Variants in TLK1 observed in about 807,000 individuals in gnomAD.
The protein encoded by TLK1 is serine/threonine-protein kinase tousled-like 1.
TLK1 carries 24 observed loss-of-function variants against 105.3 expected under a neutral mutation model. That is an observed-to-expected ratio of 0.23 (90% CI 0.17 to 0.32). The LOEUF (loss-of-function observed/expected upper bound fraction) is 0.32, where lower values mean the gene tolerates loss of function less well. TLK1 is among the 10% of genes least tolerant of loss of function. TLK1 has a pLI of 1.00. For missense variants in TLK1, 558 were observed against 910.5 expected (o/e 0.61, Z 4.98); for synonymous variants, 321 against 310.4 (o/e 1.03, Z -0.36).
intron 3 of TLK1, among the ~76,000 whole-genome samples, chr2:171,080,196 C>CA (rs559492309): frequency 0.039 from 2,312 of 59,784 alleles, 58 homozygotes; most frequent in African/African-American, 0.1. Flanking sequence ...GACTCCATCT[C>CA]AAAAAAAAAA....
intron 11 of TLK1, among the ~76,000 whole-genome samples, chr2:171,042,948 T>G (rs766057451): frequency 1.3e-5 from 2 of 152,060 alleles, no homozygotes; most frequent in Non-Finnish European, 2.9e-5. Flanking sequence ...AGGGTCTTCA[T>G]GTGGGTGAAT....
upstream of TLK1, among the ~76,000 whole-genome samples, chr2:171,163,469 C>T (rs1692553163): frequency 2.6e-5 from 4 of 152,080 alleles, no homozygotes; most frequent in South Asian, 2.1e-4. Context: ...CAGCAGATTG[C>T]GGTGAAAAGA....
intron 1 of TLK1, among the ~76,000 whole-genome samples, chr2:171,171,992 G>A (rs933885858): frequency 1.3e-5 from 2 of 152,180 alleles, no homozygotes; most frequent in Non-Finnish European, 1.5e-5. Context: ...AAGCAGCACT[G>A]TTTGTAATAG....
intron 10 of TLK1, 32 bp downstream of exon 10, chr2:171,049,782 C>G: frequency 1.2e-6 from 2 of 1,610,424 alleles, no homozygotes; most frequent in Non-Finnish European, 1.7e-6. Flanking sequence ...CAAACGAATA[C>G]TAAAAACTTT....
chr2:171,121,496 A>C (rs1690654469), intron 1 of TLK1, among the ~76,000 whole-genome samples: 1 of 152,206 alleles, frequency 6.6e-6, no homozygotes, highest in Non-Finnish European at 1.5e-5. Flanking sequence ...GCACCACTGC[A>C]CTCCACGCTG....
At chr2:171,197,056 T>C (rs1693289149) in intron 1 of TLK1, among the ~76,000 whole-genome samples, 1 of 152,078 alleles carries the variant, frequency 6.6e-6, no homozygotes, top group African/African-American at 2.4e-5. Flanking sequence ...ACCCTAAGTG[T>C]GGGGAAAGTA....
At chr2:171,070,456 T>A (rs1299940126) in intron 3 of TLK1, among the ~76,000 whole-genome samples, 1 of 152,064 alleles carries the variant, frequency 6.6e-6, no homozygotes, top group African/African-American at 2.4e-5. Context: ...GTAACCATCT[T>A]TTTACCCTCT....
At position 171,055,634 on chromosome 2, in the gene TLK1, A is replaced by G. The variant is rs542069541; in HGVS notation, c.550-462T>C. Among the ~76,000 whole-genome samples the G allele has an allele frequency of 3.9e-5, 6 of 152,170 alleles. No individual in the cohort carries two copies. The East Asian group carries it at 1.2e-3, about 29-fold the overall frequency. On this transcript the variant is annotated intron_variant, in intron 6 of 20. Transcript: ENST00000431350. Reference sequence around the variant, plus strand: ...TGGTCACTAGTTCAAAAAGACACTCACTGAAAGCAGATTATAACATTGTAT... The same window carrying G: ...TGGTCACTAGTTCAAAAAGACACTCGCTGAAAGCAGATTATAACATTGTAT...
intron 8 of TLK1, among the ~76,000 whole-genome samples, chr2:171,052,127 G>A (rs1687269316): frequency 6.6e-6 from 1 of 152,106 alleles, no homozygotes; most frequent in Admixed American, 6.5e-5. Flanking sequence ...CGGAGTGATG[G>A]CATGAGCCTG....
intron 8 of TLK1, among the ~76,000 whole-genome samples, chr2:171,052,967 G>T (rs763948525): frequency 2.6e-5 from 4 of 152,210 alleles, no homozygotes; most frequent in African/African-American, 4.8e-5. Context: ...GAACCCCTCA[G>T]GGTAGAGTTT....
At chr2:171,128,455 T>C (rs934664220) in intron 1 of TLK1, among the ~76,000 whole-genome samples, 5 of 152,142 alleles carry the variant, frequency 3.3e-5, no homozygotes, top group African/African-American at 1.2e-4. Flanking sequence ...ATGAATAGTT[T>C]TGAACTAAAT....
rs1404898310 is a variant in TLK1 at position 171,160,209 on chromosome 2, G to A, written c.139+81C>T. The A allele has an allele frequency of 2.4e-6, 3 of 1,225,626 alleles. No homozygotes were observed. The highest frequency in any genetic ancestry group is 3.1e-6 in the Non-Finnish European group (3 of 970,058). 75.9% of individuals were successfully genotyped at this position (1,225,626 alleles called of 1,614,324 possible). On this transcript the variant is annotated intron_variant, in intron 1 of 20. Transcript: ENST00000431350. The surrounding 1 kb of genome is among the most constrained non-coding windows in gnomAD (Gnocchi z 4.4). ...GGGTCTGGCGGAGAAGCCCCGGGGC[G>A]GGGGGGGCGGGGGGGGGGCGCGGGG...
chr2:171,139,104 A>G (rs1464057681), intron 1 of TLK1, among the ~76,000 whole-genome samples: 3 of 152,224 alleles, frequency 2.0e-5, no homozygotes, highest in South Asian at 2.1e-4. Flanking sequence ...ATTTTTACTT[A>G]CAGGACAAAG....
upstream of TLK1, among the ~76,000 whole-genome samples, chr2:171,162,637 A>G (rs1367336439): frequency 1.3e-5 from 2 of 152,196 alleles, no homozygotes; most frequent in South Asian, 2.1e-4. Flanking sequence ...GAATGTATCT[A>G]TCACCCTCCA....
chr2:171,148,653 A>C (rs1210837311), intron 1 of TLK1, among the ~76,000 whole-genome samples: 1 of 151,946 alleles, frequency 6.6e-6, no homozygotes, highest in African/African-American at 2.4e-5. Context: ...GAGGCCCAGA[A>C]GGGCAGATCA....
chr2:171,140,925 A>T (rs1315916907), intron 1 of TLK1, among the ~76,000 whole-genome samples: 1 of 152,238 alleles, frequency 6.6e-6, no homozygotes, highest in African/African-American at 2.4e-5. Context: ...TAAAGAGAAT[A>T]AAATTGAAAT....
At chr2:171,193,212 G>A (rs969120330) in intron 1 of TLK1, among the ~76,000 whole-genome samples, 5 of 152,032 alleles carry the variant, frequency 3.3e-5, no homozygotes, top group Non-Finnish European at 7.4e-5. Context: ...AAATACATGA[G>A]GCCAACAGCC....
At chr2:171,010,332 C>T (rs1356531428) in intron 14 of TLK1, among the ~76,000 whole-genome samples, 1 of 152,116 alleles carries the variant, frequency 6.6e-6, no homozygotes, top group Non-Finnish European at 1.5e-5. Context: ...TCAGGGAAGT[C>T]AGAAGCAGTG....
chr2:171,065,194 T>C (rs1453461717), intron 3 of TLK1, among the ~76,000 whole-genome samples: 3 of 152,130 alleles, frequency 2.0e-5, no homozygotes, highest in Admixed American at 6.6e-5. Flanking sequence ...TTTAAAATTA[T>C]GGAAATAAAT....
Sources: allele counts gnomAD v4.1 joint callset (sites outside exome capture counted in the v4.1 genomes callset), GRCh38; gene constraint gnomAD v4.1.1; non-coding constraint Gnocchi (gnomAD v3.1); transcripts MANE v1.5; gene names NCBI Gene and HGNC (gene_info 2026-07-23, HGNC 2026-07-21).